The following GRID1 variants were observed in gnomAD, a reference collection of about 807,000 sequenced individuals.
The protein encoded by GRID1 is glutamate receptor ionotropic, delta-1.
Under a neutral mutation model 98.0 loss-of-function variants are expected in GRID1, and 28 were observed. The ratio of observed to expected loss-of-function variants is 0.29; its 90% CI spans 0.21 to 0.39. GRID1 has a LOEUF of 0.39. Among genes scored for constraint, GRID1 ranks in the 10% least tolerant of loss-of-function variants. The pLI, the probability that GRID1 is intolerant of heterozygous loss-of-function variation, is 1.00. For missense variants in GRID1, 1,111 were observed against 1,340.5 expected (o/e 0.83, Z 2.67); for synonymous variants, 553 against 538.5 (o/e 1.03, Z -0.37).
At chr10:85,892,534 T>G (rs79077213) in intron 5 of GRID1, among the ~76,000 whole-genome samples, 7,194 of 151,776 alleles carry the variant, frequency 0.047, 247 homozygotes, top group Non-Finnish European at 0.071. Context: ...TGATACATCT[T>G]TTAAGTATGA....
chr10:85,957,455 T>C (rs1030145505), intron 4 of GRID1, among the ~76,000 whole-genome samples: 5 of 151,868 alleles, frequency 3.3e-5, no homozygotes, highest in African/African-American at 1.2e-4. Flanking sequence ...TTCCCCCCGG[T>C]TGTATTAGGC....
intron 13 of GRID1, chr10:85,644,099 T>G (rs1025932272): frequency 6.6e-6 from 1 of 152,180 alleles, no homozygotes; most frequent in Admixed American, 6.6e-5. Context: ...CAGGCACATG[T>G]CGCCTGCAAA....
intron 3 of GRID1, among the ~76,000 whole-genome samples, chr10:86,176,589 A>G (rs1845579259): frequency 6.6e-6 from 1 of 152,222 alleles, no homozygotes; most frequent in Admixed American, 6.5e-5. Context: ...GGGAGGGGCC[A>G]GGTGGGAAAG....
chr10:85,793,100 C>T (rs1420975813), intron 8 of GRID1, among the ~76,000 whole-genome samples: 1 of 151,998 alleles, frequency 6.6e-6, no homozygotes. Context: ...GAGCTCAACA[C>T]TCTCGATGGG....
At chr10:86,163,160 G>A (rs1845345858) in intron 3 of GRID1, among the ~76,000 whole-genome samples, 1 of 152,198 alleles carries the variant, frequency 6.6e-6, no homozygotes, top group Non-Finnish European at 1.5e-5. Flanking sequence ...TGCATCCCAG[G>A]TTGTCATGGG....
intron 4 of GRID1, among the ~76,000 whole-genome samples, chr10:85,960,926 CCTG>C (rs1260424554): frequency 1.3e-5 from 2 of 151,848 alleles, no homozygotes; most frequent in African/African-American, 4.8e-5. Flanking sequence ...TTCTGCAGAC[CCTG>C]CTATTAACCC....
chr10:86,176,581 G>A (rs1361345703), intron 3 of GRID1, among the ~76,000 whole-genome samples: 1 of 152,202 alleles, frequency 6.6e-6, no homozygotes, highest in Non-Finnish European at 1.5e-5. Context: ...CAAAAGAAGG[G>A]AGGGGCCAGG....
At chr10:86,037,267 A>T (rs1195551563) in intron 4 of GRID1, among the ~76,000 whole-genome samples, 1 of 152,232 alleles carries the variant, frequency 6.6e-6, no homozygotes, top group Admixed American at 6.5e-5. Context: ...ACACTTTGTT[A>T]CTTGAGGTGG....
Position 86,262,319 on chromosome 10 carries a change from T to C in GRID1, c.236-55671A>G, listed in dbSNP as rs528684307. ...GCAAAGCCAAGCTCTCCACTGAGAT[T>C]CTGATCCCACCCAGCCAGGGGCTTA... On this transcript the variant is annotated intron_variant, in intron 2 of 15. Coordinates refer to ENST00000327946, the MANE Select transcript of GRID1 (RefSeq NM_017551.3). Among the ~76,000 whole-genome samples, 11 of 152,332 alleles carry C rather than the reference T, an allele frequency of 7.2e-5. No individual in the cohort carries two copies. In the East Asian group the frequency reaches 1.5e-3, roughly 21 times the overall value.
chr10:86,136,180 C>T (rs1364418356), intron 4 of GRID1, among the ~76,000 whole-genome samples: 1 of 152,204 alleles, frequency 6.6e-6, no homozygotes. Context: ...AGGCTTCGTG[C>T]AGGGACAGCA....
intron 12 of GRID1, among the ~76,000 whole-genome samples, chr10:85,707,300 CT>C (rs1841531895): frequency 6.6e-6 from 1 of 152,002 alleles, no homozygotes; most frequent in African/African-American, 2.4e-5. Flanking sequence ...AAAAAGTGGG[CT>C]AAAGGATATG....
intron 5 of GRID1, among the ~76,000 whole-genome samples, chr10:85,898,491 G>A (rs1841328551): frequency 6.6e-6 from 1 of 151,790 alleles, no homozygotes; most frequent in Admixed American, 6.6e-5. Flanking sequence ...TTAACTTTTT[G>A]ACTCCTATAG....
chr10:85,640,332 G>A (rs565784327), intron 13 of GRID1, among the ~76,000 whole-genome samples: 2 of 152,214 alleles, frequency 1.3e-5, no homozygotes, highest in Non-Finnish European at 2.9e-5. Flanking sequence ...CGTGGAAGCA[G>A]AGAAAGAACA....
chr10:86,173,538 A>T (rs184840468), intron 3 of GRID1, among the ~76,000 whole-genome samples: 92 of 151,984 alleles, frequency 6.1e-4, no homozygotes, highest in African/African-American at 2.1e-3. Context: ...AATCACTTTT[A>T]GTCTAAACTT....
chr10:85,795,360 AGGTGTTCT>A (rs781487905), intron 8 of GRID1, among the ~76,000 whole-genome samples: 1 of 152,194 alleles, frequency 6.6e-6, no homozygotes, highest in Non-Finnish European at 1.5e-5. Flanking sequence ...AGATTCTAAA[AGGTGTTCT>A]GCAGCATGTC....
At chr10:85,630,525 A>C (rs1282838286) in intron 13 of GRID1, among the ~76,000 whole-genome samples, 1 of 152,242 alleles carries the variant, frequency 6.6e-6, no homozygotes, top group Non-Finnish European at 1.5e-5. Flanking sequence ...TCAGCCTAGT[A>C]AATTAGAAAA....
chr10:85,974,220 A>G (rs1842443231), intron 4 of GRID1, among the ~76,000 whole-genome samples: 1 of 152,218 alleles, frequency 6.6e-6, no homozygotes, highest in Non-Finnish European at 1.5e-5. Flanking sequence ...TAAATTCATC[A>G]GTCAATATTT....
chr10:86,142,430 G>A lies in GRID1; in HGVS notation c.521-3406C>T, dbSNP rs541519641. Reference sequence around the variant, plus strand: ...TGTGGCACTGTCCACACGGGGCTGAGTGCTAGTCAGCCCCAGGGCAAGGCC... The same window carrying A: ...TGTGGCACTGTCCACACGGGGCTGAATGCTAGTCAGCCCCAGGGCAAGGCC... On this transcript the variant is annotated intron_variant, in intron 3 of 15. Coordinates refer to ENST00000327946, the MANE Select transcript of GRID1 (RefSeq NM_017551.3). 1.4e-4 allele frequency among the ~76,000 whole-genome samples: 21 copies of A among 152,362 alleles called. No individual in the cohort carries two copies. The South Asian group carries it at 4.4e-3, about 32-fold the overall frequency.
intron 4 of GRID1, among the ~76,000 whole-genome samples, chr10:86,088,827 T>G (rs7907191): frequency 0.27 from 40,924 of 151,840 alleles, 5,737 homozygotes; most frequent in African/African-American, 0.33. Flanking sequence ...TCTGGAGTTT[T>G]CTTTTTGCCT....
Sources: gnomAD v4.1 joint callset for allele counts (sites outside exome capture counted in the v4.1 genomes callset) on GRCh38, gnomAD v4.1.1 for gene constraint, MANE v1.5 for transcripts, NCBI Gene and HGNC (gene_info 2026-07-23, HGNC 2026-07-21) for gene names.